SAMMSON: variants seen among roughly 807,000 people sequenced by gnomAD.
SAMMSON encodes the protein long intergenic non-protein coding RNA 1212.
chr3:70,188,142 C>G (rs574113664), intron 4 of SAMMSON, among the ~76,000 whole-genome samples: 3 of 152,286 alleles, frequency 2.0e-5, no homozygotes, highest in South Asian at 2.1e-4. Flanking sequence ...TGGCCTTCAA[C>G]CATGGCCATC....
At chr3:70,251,761 C>A (rs1042850373) in intron 6 of SAMMSON, among the ~76,000 whole-genome samples, 5 of 152,158 alleles carry the variant, frequency 3.3e-5, no homozygotes, top group Non-Finnish European at 7.4e-5. Context: ...AGATGAGGAA[C>A]CTGTAGAACG....
At chr3:70,125,724 GT>G in intron 4 of SAMMSON, 3 of 679,244 alleles carry the variant, frequency 4.4e-6, no homozygotes, top group Non-Finnish European at 7.9e-6. Flanking sequence ...GATGTAAACT[GT>G]TTTGTGAAGG....
chr3:70,413,241 T>C (rs922724696), intron 2 of SAMMSON, among the ~76,000 whole-genome samples: 1 of 152,172 alleles, frequency 6.6e-6, no homozygotes. Flanking sequence ...TTTAGTAATC[T>C]GCTCCAGTGT....
chr3:70,044,107 T>C (rs1686290253), intron 3 of SAMMSON, among the ~76,000 whole-genome samples: 1 of 152,100 alleles, frequency 6.6e-6, no homozygotes, highest in South Asian at 2.1e-4. Flanking sequence ...CTGTGGGGTT[T>C]TTTTTAAATG....
At chr3:70,127,557 AT>A (rs1223118538) in intron 4 of SAMMSON, 1 of 152,208 alleles carries the variant, frequency 6.6e-6, no homozygotes. Context: ...TTATTAACAA[AT>A]ATAAATGGAA....
chr3:70,131,428 T>G (rs1281055227), intron 4 of SAMMSON, among the ~76,000 whole-genome samples: 1 of 152,184 alleles, frequency 6.6e-6, no homozygotes, highest in Non-Finnish European at 1.5e-5. Context: ...TGAAAATTCT[T>G]ATTTACTAGA....
chr3:70,139,233 T>A (rs917699475), intron 4 of SAMMSON, among the ~76,000 whole-genome samples: 8 of 152,124 alleles, frequency 5.3e-5, no homozygotes, highest in African/African-American at 1.9e-4. Context: ...GATGGGGTCT[T>A]GCTATATTGT....
At position 70,388,714 on chromosome 3, in the gene SAMMSON, C is replaced by T. The variant is rs757368894; in HGVS notation, n.914-860C>T. On this transcript the variant is annotated intron_variant and non_coding_transcript_variant, in intron 9 of 9. Coordinates refer to ENST00000642114, the Ensembl canonical transcript of SAMMSON. Reference sequence around the variant, plus strand: ...TCTTGCCTTGAATGTGAACATGATGCCTTTAGTTGGGGGACAGCTACCTTG... The same window carrying T: ...TCTTGCCTTGAATGTGAACATGATGTCTTTAGTTGGGGGACAGCTACCTTG... 4.2e-4 allele frequency among the ~76,000 whole-genome samples: 64 copies of T among 152,184 alleles called. 1 individual carries two copies. The highest frequency in any genetic ancestry group is 8.2e-4 in the Non-Finnish European group (56 of 67,984).
intron 4 of SAMMSON, among the ~76,000 whole-genome samples, chr3:70,148,667 G>C (rs2067558641): frequency 6.6e-6 from 1 of 151,994 alleles, no homozygotes; most frequent in African/African-American, 2.4e-5. Context: ...AGAAGGGATA[G>C]GTACTAACCT....
At chr3:70,306,613 A>T (rs1025501044) in intron 7 of SAMMSON, among the ~76,000 whole-genome samples, 32 of 151,794 alleles carry the variant, frequency 2.1e-4, no homozygotes, top group African/African-American at 7.7e-4. Flanking sequence ...CTCTCTCATG[A>T]ATTTTCCCAT....
chr3:70,180,308 A>G (rs756261871), intron 4 of SAMMSON, among the ~76,000 whole-genome samples: 5 of 152,132 alleles, frequency 3.3e-5, no homozygotes, highest in Non-Finnish European at 7.3e-5. Context: ...CCAATGTCTA[A>G]CACACAGCAA....
chr3:70,428,370 T>C (rs1436721574), intron 2 of SAMMSON, among the ~76,000 whole-genome samples: 2 of 152,174 alleles, frequency 1.3e-5, no homozygotes, highest in Non-Finnish European at 2.9e-5. Context: ...TGTTATAGAA[T>C]TGGCTTCAAG....
At chr3:70,115,601 T>G (rs140419697) in intron 4 of SAMMSON, among the ~76,000 whole-genome samples, 27 of 152,258 alleles carry the variant, frequency 1.8e-4, no homozygotes, top group African/African-American at 5.5e-4. Flanking sequence ...ATTAAAATCT[T>G]TGTCATTGTA....
At chr3:70,430,653 G>A (rs1472204488) in intron 2 of SAMMSON, among the ~76,000 whole-genome samples, 1 of 152,092 alleles carries the variant, frequency 6.6e-6, no homozygotes, top group Non-Finnish European at 1.5e-5. Flanking sequence ...ATTACTCGAA[G>A]AAGCAATATT....
chr3:70,193,085 T>C (rs1317164340), intron 4 of SAMMSON, among the ~76,000 whole-genome samples: 1 of 152,168 alleles, frequency 6.6e-6, no homozygotes, highest in Non-Finnish European at 1.5e-5. Context: ...TGAGAACCAC[T>C]GCTTTAGAGG....
At chr3:70,078,751 C>T (rs892076841) in intron 4 of SAMMSON, among the ~76,000 whole-genome samples, 1 of 152,158 alleles carries the variant, frequency 6.6e-6, no homozygotes, top group South Asian at 2.1e-4. Context: ...AATACAGGCA[C>T]CCATGGCACA....
intron 4 of SAMMSON, among the ~76,000 whole-genome samples, chr3:70,184,997 T>C (rs1386157824): frequency 6.6e-6 from 1 of 152,228 alleles, no homozygotes; most frequent in African/African-American, 2.4e-5. Context: ...AGGTGTAAAC[T>C]TGACGTATCC....
chr3:70,087,009 G>A (rs1013234461), intron 4 of SAMMSON, among the ~76,000 whole-genome samples: 2 of 152,162 alleles, frequency 1.3e-5, no homozygotes, highest in African/African-American at 4.8e-5. Context: ...CTGTTTGATT[G>A]AAAAGTTGAA....
At chr3:70,100,891 A>C (rs2067342880) in intron 4 of SAMMSON, among the ~76,000 whole-genome samples, 1 of 152,206 alleles carries the variant, frequency 6.6e-6, no homozygotes, top group South Asian at 2.1e-4. Context: ...TCCTTGTTAG[A>C]TAATATTCTC....
Sources: allele counts gnomAD v4.1 joint callset (sites outside exome capture counted in the v4.1 genomes callset), GRCh38; gene constraint gnomAD v4.1.1; transcripts MANE v1.5; gene names NCBI Gene and HGNC (gene_info 2026-07-23, HGNC 2026-07-21).